Variants in WAC observed in about 807,000 individuals in gnomAD.
WAC encodes WW domain containing adaptor with coiled-coil, also known as WW domain-containing adapter protein with coiled-coil.
In WAC, 11 loss-of-function variants were observed where a neutral mutation model predicts 79.6. The observed-to-expected ratio is 0.14, with a 90% CI of 0.09 to 0.23. The LOEUF (loss-of-function observed/expected upper bound fraction) is 0.23, where lower values mean the gene tolerates loss of function less well. WAC is among the 10% of genes least tolerant of loss of function. WAC has a pLI of 1.00. For synonymous variants in WAC, 304 were observed against 276.9 expected, an observed-to-expected ratio of 1.10 and a Z score of -0.97; for missense variants, 728 against 773.5, an observed-to-expected ratio of 0.94 and a Z score of 0.70.
chr10:28,605,624 T>A (rs1225201502), intron 7 of WAC, among the ~76,000 whole-genome samples: 3 of 152,130 alleles, frequency 2.0e-5, no homozygotes, highest in Non-Finnish European at 4.4e-5. Context: ...AAATTAAGGA[T>A]GTTTTTGTTA....
rs756449412 is a variant in WAC, at chr10:28,608,209, G to C, written c.943G>C (p.Val315Leu). Residue 315 changes from valine (V) to leucine (L), a missense_variant, in exon 8 of 14, where the codon GTA becomes CTA. By Grantham distance (32) the Val-to-Leu change is conservative. Around this residue, in one of 3 missense-constraint regions of WAC, gnomAD observed 648 missense variants for 661.5 expected, o/e 0.98. Transcript: ENST00000354911. ...AGAATCTACATCAGGAGACAAACCC[G>C]TATCACATTCTTGCACAACTCCTTC... ...RKESTSGDKP[V>L]SHSCTTPSTS... 14 of 1,613,924 alleles carry C rather than the reference G, an allele frequency of 8.7e-6. No individual in the cohort carries two copies. Among genetic ancestry groups the C allele is most frequent in the Non-Finnish European group, 1.2e-5 (14 of 1,180,024 alleles).
At chr10:28,591,628 G>C (rs968183773) in intron 6 of WAC, 1 of 152,264 alleles carries the variant, frequency 6.6e-6, no homozygotes, top group African/African-American at 2.4e-5. Flanking sequence ...TTGGGAGGCC[G>C]AGGCAGGAGG....
intron 3 of WAC, among the ~76,000 whole-genome samples, chr10:28,541,323 G>A (rs1045555173): frequency 1.3e-5 from 2 of 151,214 alleles, no homozygotes; most frequent in East Asian, 1.9e-4. Flanking sequence ...GAAATAAGCT[G>A]GGCATTTGGG....
At position 28,595,997 on chromosome 10, in the gene WAC, C is replaced by T. The variant is rs1840344383; in HGVS notation, c.875C>T (p.Pro292Leu). 1.2e-6 allele frequency: 2 copies of T among 1,614,122 alleles called. No homozygotes were observed. The highest frequency in any genetic ancestry group is 1.7e-6 in the Non-Finnish European group (2 of 1,179,998). ...GGAGCATCTACTTTATCAAAACTGC[C>T]TACACCCACATCTTCTGTCCCTGCA... The part of the protein sequence containing the change: ...ANGASTLSKL[P>L]TPTSSVPAQK... Residue 292 changes from proline to leucine, a missense_variant, in exon 7 of 14, where the codon CCT (proline) becomes CTT (leucine). Pro to Leu is a moderately conservative substitution (Grantham distance 98, BLOSUM62 -3). Coordinates refer to ENST00000354911, the MANE Select transcript of WAC (RefSeq NM_016628.5).
intron 12 of WAC, 118 bp downstream of exon 12, chr10:28,616,480 C>A: frequency 1.1e-6 from 1 of 878,228 alleles, no homozygotes; most frequent in Non-Finnish European, 1.6e-6. Context: ...TAATGAATCT[C>A]TAACTTTGTA....
intron 2 of WAC, 79 bp from the exon 3 acceptor site, chr10:28,535,483 C>A: frequency 7.0e-7 from 1 of 1,430,444 alleles, no homozygotes; most frequent in Non-Finnish European, 9.3e-7. Flanking sequence ...AATGATAATA[C>A]ACCAAAGTTT....
chr10:28,608,488 G>A (rs974918834), intron 8 of WAC, 57 bp downstream of exon 8: 27 of 1,463,702 alleles, frequency 1.8e-5, no homozygotes, highest in Non-Finnish European at 2.3e-5. Flanking sequence ...AGTTATGTAA[G>A]TAGTAAAATC....
intron 4 of WAC, among the ~76,000 whole-genome samples, chr10:28,586,668 G>A (rs1426483305): frequency 4.6e-5 from 7 of 151,946 alleles, no homozygotes; most frequent in African/African-American, 1.5e-4. Flanking sequence ...CAGCCTGGCC[G>A]ACAGCAAGAC....
intron 3 of WAC, among the ~76,000 whole-genome samples, chr10:28,539,690 C>T (rs184735232): frequency 3.9e-5 from 6 of 152,012 alleles, no homozygotes; most frequent in African/African-American, 1.4e-4. Flanking sequence ...TCCCAAGTAG[C>T]TGGGATTACA....
intron 3 of WAC, among the ~76,000 whole-genome samples, chr10:28,553,561 G>A (rs1268627925): frequency 6.6e-6 from 1 of 151,972 alleles, no homozygotes; most frequent in East Asian, 1.9e-4. Flanking sequence ...AGGCACTCAT[G>A]GTGTTGAAGA....
At chr10:28,613,370 T>C (rs759798036) in intron 10 of WAC, among the ~76,000 whole-genome samples, 10 of 152,074 alleles carry the variant, frequency 6.6e-5, no homozygotes, top group South Asian at 2.1e-4. Context: ...TGAAAAACTT[T>C]CTTGGGCATG....
intron 6 of WAC, among the ~76,000 whole-genome samples, chr10:28,592,339 G>A (rs1840135031): frequency 1.3e-5 from 2 of 152,116 alleles, no homozygotes; most frequent in Admixed American, 1.3e-4. Flanking sequence ...ATGAGTGACA[G>A]ATGGCTGGGT....
At chr10:28,554,873 T>G (rs1837894820) in intron 3 of WAC, among the ~76,000 whole-genome samples, 1 of 152,180 alleles carries the variant, frequency 6.6e-6, no homozygotes, top group South Asian at 2.1e-4. Flanking sequence ...TCTCTTTCCA[T>G]CAGCTCCTTT....
intron 3 of WAC, among the ~76,000 whole-genome samples, chr10:28,573,733 A>G (rs957466380): frequency 7.9e-5 from 12 of 152,158 alleles, no homozygotes; most frequent in Non-Finnish European, 1.5e-4. Flanking sequence ...TTCACATACC[A>G]TACCATTCAG....
At chr10:28,577,424 G>C (rs943948169) in intron 3 of WAC, among the ~76,000 whole-genome samples, 5 of 152,066 alleles carry the variant, frequency 3.3e-5, no homozygotes, top group Non-Finnish European at 5.9e-5. Flanking sequence ...TAATAAAGTT[G>C]CATAATTTTG....
intron 7 of WAC, among the ~76,000 whole-genome samples, chr10:28,603,608 G>T (rs190116612): frequency 1.3e-5 from 2 of 151,980 alleles, no homozygotes; most frequent in Admixed American, 6.6e-5. Flanking sequence ...AGACAAAAAG[G>T]TTTCAGACAA....
chr10:28,609,342 G>A (rs1179570434), intron 8 of WAC, among the ~76,000 whole-genome samples: 1 of 152,110 alleles, frequency 6.6e-6, no homozygotes, highest in Non-Finnish European at 1.5e-5. Flanking sequence ...CAACCTGGCT[G>A]ACAGAGCAAG....
intron 9 of WAC, chr10:28,611,377 A>AT (rs1841230542): frequency 2.3e-6 from 3 of 1,297,920 alleles, no homozygotes; most frequent in Admixed American, 4.6e-5. Flanking sequence ...GAATGGAAGT[A>AT]TAATGGTGCA....
intron 3 of WAC, among the ~76,000 whole-genome samples, chr10:28,557,105 A>AT (rs1491424121): frequency 2.0e-5 from 3 of 151,466 alleles, no homozygotes; most frequent in African/African-American, 7.3e-5. Context: ...GAATTTTGAT[A>AT]GGTATAAGTC....
Sources: gnomAD v4.1 joint callset for allele counts (sites outside exome capture counted in the v4.1 genomes callset) on GRCh38, gnomAD v4.1.1 for gene constraint, gnomAD v4.1.1 regional missense constraint, MANE v1.5 for transcripts, NCBI Gene and HGNC (gene_info 2026-07-23, HGNC 2026-07-21) for gene names.